The following NDUFAB1 variants were observed in gnomAD, a reference collection of about 807,000 sequenced individuals.
NDUFAB1 encodes NADH:ubiquinone oxidoreductase subunit AB1, also known as acyl carrier protein, mitochondrial.
A neutral mutation model predicts 16.1 loss-of-function variants in NDUFAB1; 5 were observed. That is an observed-to-expected ratio of 0.31 (90% confidence interval 0.16 to 0.65). The LOEUF is 0.65. Among genes scored for constraint, NDUFAB1 ranks in the 30% least tolerant of loss-of-function variants. NDUFAB1 has a pLI of 0.77. For synonymous variants in NDUFAB1, 85 were observed against 78.4 expected (o/e 1.08, Z -0.44); for missense variants, 187 against 205.3 (o/e 0.91, Z 0.54).
intron 3 of NDUFAB1, among the ~76,000 whole-genome samples, chr16:23,582,781 A>G (rs508587): frequency 3.4e-5 from 3 of 88,730 alleles, no homozygotes; most frequent in African/African-American, 9.5e-5. Flanking sequence ...CCTCTCCCCA[A>G]GGTCTCCCTC....
At chr16:23,583,663 C>CCCCGTCTGAGAAGTGAGGAG (rs1966203906) in intron 3 of NDUFAB1, among the ~76,000 whole-genome samples, 2 of 129,076 alleles carry the variant, frequency 1.5e-5, no homozygotes, top group Admixed American at 7.4e-5. Flanking sequence ...CCGGCAGCCG[C>CCCCGTCTGAGAAGTGAGGAG]CCCGTCTGAG....
intron 1 of NDUFAB1, among the ~76,000 whole-genome samples, chr16:23,590,500 A>G (rs1966270239): frequency 6.6e-6 from 1 of 152,192 alleles, no homozygotes; most frequent in Non-Finnish European, 1.5e-5. Context: ...GCTGGCACTT[A>G]ACACAGTAAG....
intron 2 of NDUFAB1, 98 bp from the exon 3 acceptor site, chr16:23,585,521 A>ATTTT (rs60078693): frequency 0.098 from 80,868 of 824,940 alleles, 4,809 homozygotes; most frequent in African/African-American, 0.19. Flanking sequence ...ACTATATTGA[A>ATTTT]TTTATTATAC....
chr16:23,595,409 C>T, intron 1 of NDUFAB1: 2 of 371,916 alleles, frequency 5.4e-6, no homozygotes, highest in South Asian at 4.0e-5. Flanking sequence ...CCGACTATAC[C>T]CAAATCCCCG....
intron 1 of NDUFAB1, among the ~76,000 whole-genome samples, chr16:23,591,874 C>T (rs368095713): frequency 1.2e-4 from 19 of 152,294 alleles, no homozygotes; most frequent in African/African-American, 4.6e-4. Context: ...TTTATTTACA[C>T]GACTGTCTCA....
At chr16:23,595,651 G>A (rs1264247723) in intron 1 of NDUFAB1, 4 of 458,278 alleles carry the variant, frequency 8.7e-6, no homozygotes, top group African/African-American at 4.0e-5. Flanking sequence ...GCAGGGAAGA[G>A]TAAGGACAGA....
At chr16:23,582,865 G>T (rs574105986) in intron 3 of NDUFAB1, among the ~76,000 whole-genome samples, 1 of 151,438 alleles carries the variant, frequency 6.6e-6, no homozygotes, top group Non-Finnish European at 1.5e-5. Flanking sequence ...CTCTGATGCC[G>T]AGCCGAAGCT....
chr16:23,590,638 C>CTATTTCTTCTTT (rs574003194), intron 1 of NDUFAB1, among the ~76,000 whole-genome samples: 11,209 of 131,708 alleles, frequency 0.085, 543 homozygotes, highest in East Asian at 0.17. Flanking sequence ...CCTCTGGTCT[C>CTATTTCTTCTTT]TTTTTTTTTT....
intron 1 of NDUFAB1, among the ~76,000 whole-genome samples, chr16:23,589,860 T>G (rs1966263460): frequency 6.9e-6 from 1 of 145,162 alleles, no homozygotes. Flanking sequence ...CACTTGAACC[T>G]AGGAGGCAGA....
intron 1 of NDUFAB1, chr16:23,591,256 T>A (rs2142237581): frequency 6.6e-6 from 1 of 152,310 alleles, no homozygotes; most frequent in East Asian, 1.9e-4. Flanking sequence ...AGATCTACAC[T>A]TAACAAGTAT....
intron 4 of NDUFAB1, 91 bp downstream of exon 4, chr16:23,582,175 TCTTGGTCAAG>T (rs1966184848): frequency 7.6e-7 from 1 of 1,308,702 alleles, no homozygotes; most frequent in Non-Finnish European, 9.9e-7. Flanking sequence ...TAGTGAAAAA[TCTTGGTCAAG>T]CATTTCCATT....
At chr16:23,585,898 C>T (rs986138774) in intron 2 of NDUFAB1, among the ~76,000 whole-genome samples, 1 of 152,178 alleles carries the variant, frequency 6.6e-6, no homozygotes, top group Non-Finnish European at 1.5e-5. Flanking sequence ...ACAATATATA[C>T]ATAGCTAATG....
chr16:23,586,132 TAGTC>T (rs1288360727), intron 2 of NDUFAB1, among the ~76,000 whole-genome samples: 4 of 152,074 alleles, frequency 2.6e-5, no homozygotes, highest in Admixed American at 1.3e-4. Context: ...TTCACCATGT[TAGTC>T]AGGCTGGTCT....
intron 1 of NDUFAB1, among the ~76,000 whole-genome samples, chr16:23,592,983 C>T (rs141269623): frequency 1.3e-5 from 2 of 152,256 alleles, no homozygotes; most frequent in African/African-American, 4.8e-5. Context: ...TAAGAGAACT[C>T]GGGAGCCCAC....
intron 3 of NDUFAB1, among the ~76,000 whole-genome samples, chr16:23,584,120 CG>C (rs1966209711): frequency 6.6e-6 from 1 of 151,232 alleles, no homozygotes; most frequent in African/African-American, 2.4e-5. Flanking sequence ...ACAAACACTG[CG>C]GAAGGCCCCA....
In NDUFAB1 at chr16:23,585,568, T is replaced by G. The variant is rs946789581; in HGVS notation, c.292-145A>C. 4.8e-6 allele frequency: 3 copies of G among 618,778 alleles called. No homozygotes were observed. The African/African-American group carries it at 5.5e-5, about 11-fold the overall frequency. The allele number at this position is 618,778 out of a possible 1,614,324, so 38.3% of individuals were successfully genotyped here. A position where few individuals can be genotyped will look rare whatever the true frequency, so the allele number is the denominator to read the frequency against. ...GGGTACATGTGCACAACGTGCAGGT[T>G]TGTTACATAGGTATACATGTGCCAT... On this transcript the variant is annotated intron_variant, in intron 2 of 4. Coordinates refer to ENST00000007516, the MANE Select transcript of NDUFAB1 (RefSeq NM_005003.3).
At chr16:23,581,654 A>G (rs976864638) in intron 4 of NDUFAB1, among the ~76,000 whole-genome samples, 2 of 152,224 alleles carry the variant, frequency 1.3e-5, no homozygotes, top group Non-Finnish European at 2.9e-5. Context: ...GTCCCAAGTA[A>G]CAAAAGCTAC....
chr16:23,581,449 G>A (rs1439114088), intron 4 of NDUFAB1, among the ~76,000 whole-genome samples: 3 of 151,924 alleles, frequency 2.0e-5, no homozygotes, highest in African/African-American at 7.3e-5. Flanking sequence ...AGGAGGCTGA[G>A]GCCGGAGAAT....
intron 1 of NDUFAB1, among the ~76,000 whole-genome samples, chr16:23,589,975 C>T (rs995185239): frequency 2.0e-5 from 3 of 147,598 alleles, no homozygotes; most frequent in Non-Finnish European, 3.0e-5. Flanking sequence ...AGAAATGGTA[C>T]GATGCCAGGT....
Sources: allele counts gnomAD v4.1 joint callset (sites outside exome capture counted in the v4.1 genomes callset), GRCh38; gene constraint gnomAD v4.1.1; transcripts MANE v1.5; gene names NCBI Gene and HGNC (gene_info 2026-07-23, HGNC 2026-07-21).